LRIG1: variants seen among roughly 807,000 people sequenced by gnomAD.
LRIG1 encodes the protein leucine-rich repeats and immunoglobulin-like domains protein 1.
LRIG1 carries 48 observed loss-of-function variants against 99.2 expected under a neutral mutation model. The observed-to-expected ratio is 0.48, with a 90% CI of 0.38 to 0.62. The LOEUF (loss-of-function observed/expected upper bound fraction) is 0.62, where lower values mean the gene tolerates loss of function less well. Ranked by LOEUF, LRIG1 falls within the 20% of genes least tolerant of loss-of-function variation. LRIG1 has a pLI of 0.00. For synonymous variants in LRIG1, 772 were observed against 596.1 expected, an observed-to-expected ratio of 1.29 and a Z score of -4.30; for missense variants, 1,646 against 1,434.4, an observed-to-expected ratio of 1.15 and a Z score of -2.38.
At position 66,451,514 on chromosome 3, in the gene LRIG1, T is replaced by C. The variant is rs201358769; in HGVS notation, c.365+45A>G. Reference sequence around the variant, plus strand: ...GGTATCAGCAAGGCAACAAACACCATGGCCCCACCACACAGCCCAGAGTCC... The same window carrying C: ...GGTATCAGCAAGGCAACAAACACCACGGCCCCACCACACAGCCCAGAGTCC... On this transcript the variant is annotated intron_variant, in intron 3 of 18. Coordinates refer to ENST00000273261, the MANE Select transcript of LRIG1 (RefSeq NM_015541.3). The C allele has an allele frequency of 7.0e-4, 1,088 of 1,559,082 alleles. 3 individuals carry two copies. The highest frequency in any genetic ancestry group is 4.1e-3 in the Middle Eastern group (24 of 5,906).
chr3:66,406,753 C>T (rs1041806834), intron 8 of LRIG1, among the ~76,000 whole-genome samples: 3 of 152,160 alleles, frequency 2.0e-5, no homozygotes, highest in Non-Finnish European at 4.4e-5. Context: ...TAATTAGGGA[C>T]TTCAAGGGAA....
chr3:66,499,220 C>CT (rs770820911), intron 1 of LRIG1, among the ~76,000 whole-genome samples: 289 of 152,060 alleles, frequency 1.9e-3, no homozygotes, highest in Middle Eastern at 6.8e-3. Flanking sequence ...AGTCTAATGC[C>CT]TTTTTTTTCC....
At chr3:66,480,442 G>A (rs1040613977) in intron 1 of LRIG1, among the ~76,000 whole-genome samples, 2 of 151,550 alleles carry the variant, frequency 1.3e-5, no homozygotes, top group African/African-American at 4.9e-5. Flanking sequence ...GAGTTTTGTG[G>A]TATTTGAATC....
intron 2 of LRIG1, among the ~76,000 whole-genome samples, chr3:66,459,064 G>A (rs1206670818): frequency 6.6e-6 from 1 of 152,104 alleles, no homozygotes; most frequent in East Asian, 1.9e-4. Flanking sequence ...TGATGTTAGG[G>A]TTAAGTGATG....
Position 66,380,209 on chromosome 3 carries a change from C to A in LRIG1, c.*54G>T. ...GAACCCAAGCTTCCTCGCAGCCTCT[C>A]CTACCTCTCTTTCCCGTAGAGATTG... On this transcript the variant is annotated 3_prime_UTR_variant, in exon 19 of 19. Coordinates refer to ENST00000273261, the MANE Select transcript of LRIG1 (RefSeq NM_015541.3). The A allele has an allele frequency of 1.4e-6, 2 of 1,479,024 alleles. No homozygotes were observed. Among genetic ancestry groups the A allele is most frequent in the Admixed American group, 1.9e-5 (1 of 52,972 alleles). 91.6% of individuals were successfully genotyped at this position (1,479,024 alleles called of 1,614,324 possible). A position where few individuals can be genotyped will look rare whatever the true frequency, so the allele number is the denominator to read the frequency against.
chr3:66,436,791 C>T (rs1189410851), intron 3 of LRIG1, among the ~76,000 whole-genome samples: 1 of 152,074 alleles, frequency 6.6e-6, no homozygotes, highest in African/African-American at 2.4e-5. Context: ...TTATCATTCT[C>T]TAGGTCAGCA....
chr3:66,466,388 T>C (rs1229233220), intron 1 of LRIG1, among the ~76,000 whole-genome samples: 3 of 152,222 alleles, frequency 2.0e-5, no homozygotes, highest in Admixed American at 6.5e-5. Flanking sequence ...CATGTATGTA[T>C]ATACCACATT....
intron 2 of LRIG1, among the ~76,000 whole-genome samples, chr3:66,454,367 C>T (rs1559807394): frequency 6.6e-6 from 1 of 152,168 alleles, no homozygotes; most frequent in African/African-American, 2.4e-5. Flanking sequence ...AATAGCACAG[C>T]TACAGCTTTG....
intron 1 of LRIG1, among the ~76,000 whole-genome samples, chr3:66,476,665 T>C (rs1700729738): frequency 1.3e-5 from 2 of 152,214 alleles, no homozygotes; most frequent in East Asian, 3.8e-4. Flanking sequence ...TGGCTGTCTC[T>C]CCAGGGTCAC....
chr3:66,396,444 C>T (rs1238640022), intron 11 of LRIG1, among the ~76,000 whole-genome samples: 1 of 152,220 alleles, frequency 6.6e-6, no homozygotes, highest in Non-Finnish European at 1.5e-5. Flanking sequence ...GAAATTTACC[C>T]AGAGGATGAC....
chr3:66,436,261 A>G (rs563014104), intron 3 of LRIG1, among the ~76,000 whole-genome samples: 157 of 152,220 alleles, frequency 1.0e-3, no homozygotes, highest in African/African-American at 3.0e-3. Context: ...GTTGCCAGAC[A>G]CCACACTCCC....
In LRIG1 at chr3:66,438,219, C is replaced by T. The variant is rs189396074; in HGVS notation, c.365+13340G>A. On this transcript the variant is annotated intron_variant, in intron 3 of 18. Transcript: ENST00000273261. ...TGCTAGGGTGCTACCCCCTGTCCCA[C>T]TCCACGCAGACTCTGCAACATAGAG... Among the ~76,000 whole-genome samples, 359 of 152,312 alleles carry T rather than the reference C, an allele frequency of 2.4e-3. 1 individual carries two copies. Among genetic ancestry groups the T allele is most frequent in the African/African-American group, 8.2e-3 (341 of 41,576 alleles).
chr3:66,395,466 C>T (rs1037583333), intron 11 of LRIG1, among the ~76,000 whole-genome samples: 2 of 152,146 alleles, frequency 1.3e-5, no homozygotes, highest in Non-Finnish European at 2.9e-5. Context: ...TCCTCATGTT[C>T]CCCATCACCC....
At chr3:66,476,447 A>G (rs1700724888) in intron 1 of LRIG1, among the ~76,000 whole-genome samples, 2 of 152,178 alleles carry the variant, frequency 1.3e-5, no homozygotes, top group Admixed American at 6.5e-5. Flanking sequence ...TAAGTAGTCC[A>G]TTAGTATCAA....
In LRIG1 at chr3:66,383,193, T is replaced by A; in HGVS notation, c.2280A>T (p.Arg760=). The A allele has an allele frequency of 6.2e-7, 1 of 1,614,208 alleles. No individual in the cohort carries two copies. ...VQNVVAEDAG[R]YTCEMSNTLG... ...GGGTGTTGGACATCTCACAGGTATA[T>A]CGGCCCGCATCCTCTGCCACCACGT... Residue 760 remains arginine, a synonymous_variant, in exon 15 of 19, where the codon CGA becomes CGT. Coordinates refer to ENST00000273261, the MANE Select transcript of LRIG1 (RefSeq NM_015541.3).
chr3:66,446,729 C>A (rs1174655065), intron 3 of LRIG1, among the ~76,000 whole-genome samples: 4 of 151,992 alleles, frequency 2.6e-5, no homozygotes, highest in African/African-American at 9.7e-5. Flanking sequence ...CATTTAATCA[C>A]TTCTCTTCAG....
intron 2 of LRIG1, among the ~76,000 whole-genome samples, chr3:66,456,450 G>C (rs11127996): frequency 0.24 from 37,163 of 151,806 alleles, 5,579 homozygotes; most frequent in East Asian, 0.67. Context: ...GTGCACGCCT[G>C]TAGTTCCAGC....
intron 7 of LRIG1, among the ~76,000 whole-genome samples, chr3:66,408,958 G>GTGTC (rs1358075909): frequency 4.0e-5 from 5 of 125,734 alleles, no homozygotes; most frequent in Admixed American, 8.2e-5. Context: ...GTGTGTGTGT[G>GTGTC]TGTGGTGGGG....
At chr3:66,431,376 G>C (rs73833492) in intron 3 of LRIG1, among the ~76,000 whole-genome samples, 7 of 152,326 alleles carry the variant, frequency 4.6e-5, no homozygotes, top group African/African-American at 1.4e-4. Context: ...TGATGAGAGT[G>C]TCCCTTAAGG....
Sources: gnomAD v4.1 joint callset for allele counts (sites outside exome capture counted in the v4.1 genomes callset) on GRCh38, gnomAD v4.1.1 for gene constraint, MANE v1.5 for transcripts, NCBI Gene and HGNC (gene_info 2026-07-23, HGNC 2026-07-21) for gene names.